Variants in STARD13 observed in about 807,000 individuals in gnomAD.
STARD13 encodes stAR-related lipid transfer protein 13.
A neutral mutation model predicts 106.4 loss-of-function variants in STARD13; 62 were observed. That is an observed-to-expected ratio of 0.58 (90% confidence interval 0.48 to 0.72). The LOEUF is 0.72. STARD13 is among the 30% of genes least tolerant of loss of function. The pLI is 0.00. For missense variants in STARD13, 1,387 were observed against 1,424.0 expected (o/e 0.97, Z 0.42); for synonymous variants, 565 against 553.0 (o/e 1.02, Z -0.31).
At chr13:33,406,828 T>C in the STARD13 span, among the ~76,000 whole-genome samples, 3 of 152,128 alleles carry the variant, frequency 2.0e-5, no homozygotes, top group Non-Finnish European at 2.9e-5. Flanking sequence ...AGGCAGAGCG[T>C]CGCCTTGTGA....
chr13:33,214,699 TACACACACACACACAC>T (rs55996131), intron 1 of STARD13, among the ~76,000 whole-genome samples: 3 of 144,044 alleles, frequency 2.1e-5, no homozygotes, highest in Admixed American at 6.9e-5. Flanking sequence ...CATGCACACA[TACACACACACACACAC>T]ACACACACAC....
chr13:33,269,734 A>C (rs1351747717), intron 1 of STARD13, among the ~76,000 whole-genome samples: 1 of 152,216 alleles, frequency 6.6e-6, no homozygotes, highest in Non-Finnish European at 1.5e-5. Flanking sequence ...CAATATTTAT[A>C]AGCTGAGTAA....
At chr13:33,301,081 G>C (rs1232798024) in intron 1 of STARD13, among the ~76,000 whole-genome samples, 1 of 152,188 alleles carries the variant, frequency 6.6e-6, no homozygotes, top group Admixed American at 6.5e-5. Flanking sequence ...ATGATTATTT[G>C]ATTAATATCT....
Position 33,214,280 on chromosome 13 carries a change from C to T in STARD13, c.170-46658G>A, listed in dbSNP as rs546814435. On this transcript the variant is annotated intron_variant, in intron 1 of 13. Coordinates refer to ENST00000336934, the MANE Select transcript of STARD13 (RefSeq NM_178006.4). ...TGACTGCTTTCTAACAATAACTTTA[C>T]ATGACTGGGTTGAAATAAACTTAAA... 4.6e-4 allele frequency among the ~76,000 whole-genome samples: 70 copies of T among 152,308 alleles called. 1 individual carries two copies. The South Asian group carries it at 0.011, about 24-fold the overall frequency.
intron 1 of STARD13, among the ~76,000 whole-genome samples, chr13:33,238,752 A>C (rs1167907002): frequency 1.3e-5 from 2 of 152,104 alleles, no homozygotes; most frequent in African/African-American, 4.8e-5. Context: ...AATAATAGCT[A>C]ATGTGGAAGT....
chr13:33,544,090 T>C, the STARD13 span, among the ~76,000 whole-genome samples: 1 of 152,218 alleles, frequency 6.6e-6, no homozygotes, highest in African/African-American at 2.4e-5. Context: ...ATTTCAGTTA[T>C]TATACAGTAA....
At chr13:33,142,519 T>C in intron 3 of STARD13, 146 bp from the exon 4 acceptor site, 2 of 696,946 alleles carry the variant, frequency 2.9e-6, no homozygotes, top group East Asian at 2.8e-5. Context: ...ACAGAAGGTA[T>C]GCTATATAGT....
chr13:33,210,962 C>A (rs1336965707), intron 1 of STARD13, among the ~76,000 whole-genome samples: 4 of 152,104 alleles, frequency 2.6e-5, no homozygotes, highest in African/African-American at 9.7e-5. Flanking sequence ...CCAAGAAATT[C>A]ACCAATTTCT....
chr13:33,386,746 C>T, the STARD13 span, among the ~76,000 whole-genome samples: 2 of 152,122 alleles, frequency 1.3e-5, no homozygotes, highest in Non-Finnish European at 2.9e-5. Flanking sequence ...AAAATATACG[C>T]CAAGTTCTCT....
At chr13:33,670,993 G>T in the STARD13 span, among the ~76,000 whole-genome samples, 1 of 152,202 alleles carries the variant, frequency 6.6e-6, no homozygotes, top group African/African-American at 2.4e-5. Flanking sequence ...TGGTTAAAAA[G>T]ATAATTTCTT....
intron 1 of STARD13, among the ~76,000 whole-genome samples, chr13:33,341,503 G>A (rs930981232): frequency 6.6e-6 from 1 of 151,504 alleles, no homozygotes; most frequent in Non-Finnish European, 1.5e-5. Flanking sequence ...GCCGGGTGTG[G>A]TGGCTTCAAC....
At chr13:33,562,811 A>T in the STARD13 span, among the ~76,000 whole-genome samples, 1 of 147,106 alleles carries the variant, frequency 6.8e-6, no homozygotes, top group Non-Finnish European at 1.5e-5. Context: ...TATATTACAG[A>T]CAACTTCCTA....
At chr13:33,264,619 G>T (rs538962059) in intron 1 of STARD13, among the ~76,000 whole-genome samples, 3 of 152,268 alleles carry the variant, frequency 2.0e-5, no homozygotes, top group East Asian at 3.9e-4. Flanking sequence ...AGAGAGAATT[G>T]CATTGACATA....
At chr13:33,472,696 C>T in the STARD13 span, among the ~76,000 whole-genome samples, 8 of 152,090 alleles carry the variant, frequency 5.3e-5, no homozygotes, top group African/African-American at 1.9e-4. Flanking sequence ...CCAAAACATG[C>T]AGCAATTTAT....
chr13:33,151,213 A>T (rs1302469286), intron 3 of STARD13, among the ~76,000 whole-genome samples: 1 of 152,214 alleles, frequency 6.6e-6, no homozygotes, highest in Non-Finnish European at 1.5e-5. Flanking sequence ...GTCTGTTTTC[A>T]TTGCTATTAA....
At chr13:33,385,162 T>C in the STARD13 span, among the ~76,000 whole-genome samples, 3 of 135,484 alleles carry the variant, frequency 2.2e-5, no homozygotes, top group African/African-American at 5.4e-5. Context: ...TCTGGGTTGA[T>C]AATAGTTTCA....
chr13:33,574,913 CTTTTTTTTTTT>C, the STARD13 span, among the ~76,000 whole-genome samples: 1 of 117,588 alleles, frequency 8.5e-6, no homozygotes, highest in Admixed American at 9.0e-5. Flanking sequence ...TATGCATCTA[CTTTTTTTTTTT>C]TTTTTTTTTT....
At chr13:33,619,998 A>G in the STARD13 span, among the ~76,000 whole-genome samples, 1 of 152,150 alleles carries the variant, frequency 6.6e-6, no homozygotes. Flanking sequence ...CGGAGGTTGC[A>G]GTGAGCTAAG....
At chr13:33,591,532 G>A in the STARD13 span, among the ~76,000 whole-genome samples, 1 of 152,210 alleles carries the variant, frequency 6.6e-6, no homozygotes, top group Non-Finnish European at 1.5e-5. Context: ...AGCTAGGCAT[G>A]ACAGAAGGGA....
Sources: gnomAD v4.1 joint callset for allele counts (sites outside exome capture counted in the v4.1 genomes callset) on GRCh38, gnomAD v4.1.1 for gene constraint, MANE v1.5 for transcripts, NCBI Gene and HGNC (gene_info 2026-07-23, HGNC 2026-07-21) for gene names.